The following MSRA variants were observed in gnomAD, a reference collection of about 807,000 sequenced individuals.
The protein encoded by MSRA is mitochondrial peptide methionine sulfoxide reductase.
In MSRA, 54 loss-of-function variants were observed where a neutral mutation model predicts 31.3. The observed-to-expected ratio is 1.73, with a 90% confidence interval of 1.39 to 2.17. MSRA has a LOEUF of 2.17. Among genes scored for constraint, MSRA ranks in the 30% most tolerant of loss-of-function variants. The pLI is 0.00. For missense variants in MSRA, 507 were observed against 300.9 expected, an observed-to-expected ratio of 1.69 and a Z score of -5.07; for synonymous variants, 169 against 116.5, an observed-to-expected ratio of 1.45 and a Z score of -2.90.
chr8:10,287,714 G>T (rs1371491519), intron 3 of MSRA, among the ~76,000 whole-genome samples: 1 of 152,138 alleles, frequency 6.6e-6, no homozygotes, highest in African/African-American at 2.4e-5. Flanking sequence ...CTAGCTGAAT[G>T]CTCTCCATTT....
chr8:10,354,750 G>A lies in MSRA; in HGVS notation c.543+34761G>A, dbSNP rs796361904. ...TTATGTAATATGTGTGTGTGTGTGT[G>A]TATATATATATATATATATATATAT... On this transcript the variant is annotated intron_variant, in intron 5 of 5. Coordinates refer to ENST00000317173, the MANE Select transcript of MSRA (RefSeq NM_012331.5). 5.8e-3 allele frequency among the ~76,000 whole-genome samples: 798 copies of A among 138,362 alleles called. 11 individuals are homozygous for A. Among genetic ancestry groups the A allele is most frequent in the African/African-American group, 0.021 (753 of 36,206 alleles). 90.8% of individuals were successfully genotyped at this position (138,362 alleles called of 152,430 possible).
intron 5 of MSRA, among the ~76,000 whole-genome samples, chr8:10,410,198 A>T (rs1026461920): frequency 6.6e-6 from 1 of 152,216 alleles, no homozygotes; most frequent in African/African-American, 2.4e-5. Flanking sequence ...GACATGGAGT[A>T]TGCATGTGTG....
intron 1 of MSRA, among the ~76,000 whole-genome samples, chr8:10,193,939 A>C (rs1003770280): frequency 6.6e-6 from 1 of 152,204 alleles, no homozygotes; most frequent in African/African-American, 2.4e-5. Context: ...AAACTTGATA[A>C]TTTAAGGGAA....
intron 1 of MSRA, among the ~76,000 whole-genome samples, chr8:10,126,788 A>T (rs1801531407): frequency 6.6e-6 from 1 of 152,240 alleles, no homozygotes; most frequent in African/African-American, 2.4e-5. Flanking sequence ...TGCTGGGATT[A>T]CAGGCATGAG....
chr8:10,339,211 G>A (rs989858227), intron 5 of MSRA, among the ~76,000 whole-genome samples: 3 of 152,200 alleles, frequency 2.0e-5, no homozygotes, highest in Non-Finnish European at 2.9e-5. Flanking sequence ...CCCACGAAGC[G>A]ATGATGTTGG....
chr8:10,248,069 C>T (rs1256253656), intron 3 of MSRA, among the ~76,000 whole-genome samples: 1 of 152,066 alleles, frequency 6.6e-6, no homozygotes, highest in African/African-American at 2.4e-5. Flanking sequence ...AGTGGTCTGA[C>T]TTAAGAGAAG....
At chr8:10,415,310 C>T (rs1307094037) in intron 5 of MSRA, among the ~76,000 whole-genome samples, 1 of 152,096 alleles carries the variant, frequency 6.6e-6, no homozygotes, top group Non-Finnish European at 1.5e-5. Flanking sequence ...AGGTGAAGGA[C>T]GACAAGGAAG....
intron 1 of MSRA, among the ~76,000 whole-genome samples, chr8:10,087,793 G>A (rs1798645784): frequency 1.3e-5 from 2 of 152,074 alleles, no homozygotes; most frequent in Admixed American, 1.3e-4. Flanking sequence ...TAAAGTAAAG[G>A]ATTTTAAACT....
chr8:10,368,772 A>G (rs1805310653), intron 5 of MSRA, among the ~76,000 whole-genome samples: 1 of 152,248 alleles, frequency 6.6e-6, no homozygotes, highest in Non-Finnish European at 1.5e-5. Context: ...CACTTCTTCC[A>G]TTAAGTTTCA....
rs555469397 is a variant in MSRA at position 10,176,199 on chromosome 8, G to A, written c.143-31634G>A. 3.9e-5 allele frequency among the ~76,000 whole-genome samples: 6 copies of A among 152,236 alleles called. No homozygotes were observed. The East Asian group carries it at 9.6e-4, about 24-fold the overall frequency. ...CCATATGTTAAAATGTCACATTATG[G>A]TTTTAAAATTCAGGATGAGAACTGA... is the stretch of plus-strand genomic sequence containing the variant. On this transcript the variant is annotated intron_variant, in intron 1 of 5. Coordinates refer to ENST00000317173, the MANE Select transcript of MSRA (RefSeq NM_012331.5).
intron 5 of MSRA, among the ~76,000 whole-genome samples, chr8:10,397,916 T>C (rs1807200938): frequency 1.3e-5 from 2 of 152,118 alleles, no homozygotes; most frequent in African/African-American, 4.8e-5. Flanking sequence ...CAGGGAAAAG[T>C]GGGTGGAGGC....
At chr8:10,321,142 C>T (rs1282044052) in intron 5 of MSRA, among the ~76,000 whole-genome samples, 1 of 152,042 alleles carries the variant, frequency 6.6e-6, no homozygotes, top group East Asian at 1.9e-4. Flanking sequence ...TAAAATCCTC[C>T]AATAGAGATT....
intron 1 of MSRA, among the ~76,000 whole-genome samples, chr8:10,124,662 A>G (rs1801373475): frequency 6.6e-6 from 1 of 152,230 alleles, no homozygotes; most frequent in African/African-American, 2.4e-5. Flanking sequence ...TTGCAATTAT[A>G]GTATGCCTTG....
chr8:10,422,644 G>A (rs1285383447), intron 5 of MSRA, among the ~76,000 whole-genome samples: 2 of 152,198 alleles, frequency 1.3e-5, no homozygotes, highest in Non-Finnish European at 2.9e-5. Flanking sequence ...CAGTAAGAGA[G>A]AGAAAAGTTG....
At chr8:10,355,590 A>C (rs771064734) in intron 5 of MSRA, among the ~76,000 whole-genome samples, 3 of 152,158 alleles carry the variant, frequency 2.0e-5, no homozygotes, top group East Asian at 1.9e-4. Flanking sequence ...TCTTCAGTAC[A>C]TACATGGCAG....
intron 3 of MSRA, among the ~76,000 whole-genome samples, chr8:10,293,212 T>C (rs1800340582): frequency 6.6e-6 from 1 of 152,122 alleles, no homozygotes; most frequent in Non-Finnish European, 1.5e-5. Flanking sequence ...CCTGTCCCTA[T>C]AGGATTGCAT....
At chr8:10,351,825 G>T (rs1236664807) in intron 5 of MSRA, among the ~76,000 whole-genome samples, 1 of 152,164 alleles carries the variant, frequency 6.6e-6, no homozygotes, top group East Asian at 1.9e-4. Flanking sequence ...CAGCAGGTCT[G>T]GATGAACCCA....
rs185361307 is a variant in MSRA, at chr8:10,057,761, C to T, written c.142+3103C>T. On this transcript the variant is annotated intron_variant, in intron 1 of 5. Transcript: ENST00000317173. ...CCTGCTCCTTTGTGTGGAGATGTGC[C>T]AGCTTCCTCTTCTGCCATGATTGTA... Among the ~76,000 whole-genome samples the T allele has an allele frequency of 4.9e-4, 74 of 152,312 alleles. 1 individual carries two copies. The East Asian group carries it at 0.011, about 23-fold the overall frequency.
At chr8:10,281,736 T>C (rs1046124615) in intron 3 of MSRA, among the ~76,000 whole-genome samples, 6 of 152,206 alleles carry the variant, frequency 3.9e-5, no homozygotes, top group African/African-American at 1.4e-4. Flanking sequence ...TTATTCTCTT[T>C]GCCAGAAACC....
Sources: gnomAD v4.1 joint callset for allele counts (sites outside exome capture counted in the v4.1 genomes callset) on GRCh38, gnomAD v4.1.1 for gene constraint, MANE v1.5 for transcripts, NCBI Gene and HGNC (gene_info 2026-07-23, HGNC 2026-07-21) for gene names.